The following ADCK1 variants were observed in gnomAD, a reference collection of about 807,000 sequenced individuals.
ADCK1 encodes aarF domain-containing protein kinase 1.
In ADCK1, 41 loss-of-function variants were observed where a neutral mutation model predicts 52.3. The ratio of observed to expected loss-of-function variants is 0.78; its 90% CI spans 0.61 to 1.02. The LOEUF is 1.02. ADCK1 is among the 50% of genes least tolerant of loss of function. ADCK1 has a pLI of 0.00. For missense variants in ADCK1, 658 were observed against 679.5 expected, an observed-to-expected ratio of 0.97 and a Z score of 0.35; for synonymous variants, 250 against 274.6, an observed-to-expected ratio of 0.91 and a Z score of 0.89.
At chr14:77,887,813 A>G (rs932840847) in intron 5 of ADCK1, among the ~76,000 whole-genome samples, 4 of 152,196 alleles carry the variant, frequency 2.6e-5, no homozygotes, top group African/African-American at 9.6e-5. Context: ...TAAGGGCGGA[A>G]GGTGCTGAGC....
chr14:77,898,628 T>C (rs1254479585), intron 5 of ADCK1, among the ~76,000 whole-genome samples: 2 of 151,734 alleles, frequency 1.3e-5, no homozygotes, highest in Non-Finnish European at 2.9e-5. Flanking sequence ...ACAACACACC[T>C]GGGGCCTGTT....
chr14:77,819,061 A>G lies in ADCK1; in HGVS notation c.83A>G (p.Tyr28Cys). 1 of 1,614,204 alleles carries G rather than the reference A, an allele frequency of 6.2e-7. No homozygotes were observed. The highest frequency in any genetic ancestry group is 8.5e-7 in the Non-Finnish European group (1 of 1,180,024). The change falls in exon 2 of 11, where the codon TAC (tyrosine) becomes TGC (cysteine). Residue 28 changes from tyrosine (Y) to cysteine (C), a missense_variant. Coordinates refer to ENST00000238561, the MANE Select transcript of ADCK1 (RefSeq NM_020421.4). ...ASGIYFYSNK[Y>C]LDPNDFGAVR... ...GGCATCTACTTCTACAGTAACAAGT[A>G]CTTGGACCCTAATGACTTTGGCGCT...
intron 3 of ADCK1, among the ~76,000 whole-genome samples, chr14:77,855,870 T>A (rs2082406494): frequency 6.6e-6 from 1 of 152,060 alleles, no homozygotes; most frequent in Non-Finnish European, 1.5e-5. Flanking sequence ...GATAAAAAAA[T>A]TTCCCCCATT....
intron 4 of ADCK1, among the ~76,000 whole-genome samples, chr14:77,875,885 G>A (rs1372355887): frequency 6.6e-6 from 1 of 152,088 alleles, no homozygotes; most frequent in South Asian, 2.1e-4. Context: ...TCCCCTTCCT[G>A]GTCTCACATC....
chr14:77,819,255 G>A, intron 2 of ADCK1, 142 bp downstream of exon 2: 1 of 1,158,818 alleles, frequency 8.6e-7, no homozygotes, highest in South Asian at 1.5e-5. Flanking sequence ...CATCTGCACA[G>A]GTGTACACAT....
intron 5 of ADCK1, among the ~76,000 whole-genome samples, chr14:77,891,713 A>C (rs1455571151): frequency 6.6e-6 from 1 of 152,130 alleles, no homozygotes; most frequent in Non-Finnish European, 1.5e-5. Flanking sequence ...TCAGGAGAAC[A>C]GCTGGAATGG....
At chr14:77,858,032 A>G (rs1040681371) in intron 3 of ADCK1, among the ~76,000 whole-genome samples, 1 of 152,078 alleles carries the variant, frequency 6.6e-6, no homozygotes, top group African/African-American at 2.4e-5. Context: ...GCCACCTCCC[A>G]ACTCTGGAAG....
chr14:77,929,480 C>T (rs1429234490), intron 9 of ADCK1, among the ~76,000 whole-genome samples: 1 of 152,200 alleles, frequency 6.6e-6, no homozygotes, highest in Non-Finnish European at 1.5e-5. Flanking sequence ...AAGTGCCGGC[C>T]TCCCTCCAAC....
At chr14:77,903,798 GCTTTTT>G (rs1225050480) in intron 6 of ADCK1, among the ~76,000 whole-genome samples, 1 of 152,168 alleles carries the variant, frequency 6.6e-6, no homozygotes, top group Non-Finnish European at 1.5e-5. Flanking sequence ...AGATGTGCAT[GCTTTTT>G]GGGAAGTATG....
chr14:77,906,142 A>G (rs78937046), intron 6 of ADCK1, among the ~76,000 whole-genome samples: 5,288 of 152,352 alleles, frequency 0.035, 141 homozygotes, highest in Non-Finnish European at 0.055. Context: ...TTAAGTGGCT[A>G]GTCTAAGACA....
At chr14:77,887,444 T>C (rs1330120075) in intron 5 of ADCK1, among the ~76,000 whole-genome samples, 195 bp downstream of exon 5, 1 of 151,942 alleles carries the variant, frequency 6.6e-6, no homozygotes, top group East Asian at 1.9e-4. Flanking sequence ...GCAGCATGGG[T>C]TAGTTCTTGA....
intron 9 of ADCK1, 34 bp downstream of exon 9, chr14:77,925,995 A>C: frequency 6.2e-7 from 1 of 1,611,432 alleles, no homozygotes; most frequent in Non-Finnish European, 8.5e-7. Context: ...CCTCTTCCTA[A>C]ATGCAGAAGG....
chr14:77,910,449 C>T (rs374646627), intron 7 of ADCK1, among the ~76,000 whole-genome samples: 27 of 151,984 alleles, frequency 1.8e-4, no homozygotes, highest in African/African-American at 5.6e-4. Context: ...GTTCCAGTGG[C>T]GAAGGGATTC....
At chr14:77,814,695 CAAAAAAAAAA>C (rs995163952) in intron 1 of ADCK1, among the ~76,000 whole-genome samples, 3 of 35,922 alleles carry the variant, frequency 8.4e-5, no homozygotes, top group African/African-American at 2.9e-4. Context: ...AAGACACTCT[CAAAAAAAAAA>C]AAAAAAAAAA....
chr14:77,808,412 T>C (rs2081273113), intron 1 of ADCK1, among the ~76,000 whole-genome samples: 1 of 152,082 alleles, frequency 6.6e-6, no homozygotes, highest in African/African-American at 2.4e-5. Context: ...CCAGGAGGCA[T>C]TGTCTAAGGC....
chr14:77,841,353 C>A (rs1382964582), intron 3 of ADCK1, among the ~76,000 whole-genome samples: 1 of 152,066 alleles, frequency 6.6e-6, no homozygotes, highest in African/African-American at 2.4e-5. Context: ...CTGGAGGAAC[C>A]CTGGGAGCTC....
At chr14:77,810,166 C>T (rs1007494033) in intron 1 of ADCK1, among the ~76,000 whole-genome samples, 1 of 151,490 alleles carries the variant, frequency 6.6e-6, no homozygotes, top group African/African-American at 2.4e-5. Flanking sequence ...AGGGTAAGTG[C>T]GATGGCACTC....
intron 5 of ADCK1, among the ~76,000 whole-genome samples, chr14:77,888,203 C>T (rs182548669): frequency 1.4e-4 from 21 of 152,148 alleles, no homozygotes; most frequent in East Asian, 3.9e-4. Flanking sequence ...AGCCAGGCAG[C>T]GGAAGGACAG....
At chr14:77,918,039 C>T (rs2083965959) in intron 7 of ADCK1, among the ~76,000 whole-genome samples, 1 of 152,176 alleles carries the variant, frequency 6.6e-6, no homozygotes, top group Admixed American at 6.5e-5. Context: ...CTGTTTAATG[C>T]AGAGGATGGC....
Sources: gnomAD v4.1 joint callset for allele counts (sites outside exome capture counted in the v4.1 genomes callset) on GRCh38, gnomAD v4.1.1 for gene constraint, MANE v1.5 for transcripts, NCBI Gene and HGNC (gene_info 2026-07-23, HGNC 2026-07-21) for gene names.